The following PTPRO variants were observed in gnomAD, a reference collection of about 807,000 sequenced individuals.
PTPRO encodes the protein receptor-type tyrosine-protein phosphatase O.
PTPRO carries 62 observed loss-of-function variants against 145.2 expected under a neutral mutation model. The ratio of observed to expected loss-of-function variants is 0.43; its 90% CI spans 0.35 to 0.53. The LOEUF is 0.53. Among genes scored for constraint, PTPRO ranks in the 20% least tolerant of loss-of-function variants. The pLI is 0.01. For synonymous variants in PTPRO, 565 were observed against 514.7 expected, an observed-to-expected ratio of 1.10 and a Z score of -1.32; for missense variants, 1,345 against 1,482.7, an observed-to-expected ratio of 0.91 and a Z score of 1.53.
chr12:15,432,026 G>T (rs140669727), intron 1 of PTPRO, among the ~76,000 whole-genome samples: 1 of 152,214 alleles, frequency 6.6e-6, no homozygotes, highest in Admixed American at 6.5e-5. Flanking sequence ...AAGTTTAGGG[G>T]TATGTGTGCA....
intron 1 of PTPRO, among the ~76,000 whole-genome samples, chr12:15,441,572 T>C (rs1002819848): frequency 6.6e-6 from 1 of 152,074 alleles, no homozygotes; most frequent in African/African-American, 2.4e-5. Flanking sequence ...AACTAAAAGT[T>C]GGTTCTTTGA....
intron 1 of PTPRO, among the ~76,000 whole-genome samples, chr12:15,400,728 A>G (rs1461574247): frequency 1.3e-5 from 2 of 152,216 alleles, no homozygotes; most frequent in East Asian, 3.8e-4. Flanking sequence ...CCTATTTTAC[A>G]CTGGGTACTT....
chr12:15,366,362 G>A (rs1938360812), intron 1 of PTPRO, among the ~76,000 whole-genome samples: 1 of 152,020 alleles, frequency 6.6e-6, no homozygotes, highest in Admixed American at 6.6e-5. Flanking sequence ...GAGTGAGGGG[G>A]GGAAAATTGT....
chr12:15,443,432 G>A (rs925955643), intron 1 of PTPRO, among the ~76,000 whole-genome samples: 8 of 151,988 alleles, frequency 5.3e-5, no homozygotes, highest in African/African-American at 1.9e-4. Flanking sequence ...TCTGGACATC[G>A]GCCTGGGGAA....
At chr12:15,369,607 C>T (rs1324429999) in intron 1 of PTPRO, among the ~76,000 whole-genome samples, 1 of 152,158 alleles carries the variant, frequency 6.6e-6, no homozygotes, top group Non-Finnish European at 1.5e-5. Context: ...ATTGCATTAA[C>T]TCATGTCTCT....
intron 1 of PTPRO, among the ~76,000 whole-genome samples, chr12:15,403,250 G>C (rs1368056393): frequency 2.0e-5 from 3 of 151,968 alleles, no homozygotes; most frequent in Admixed American, 1.3e-4. Flanking sequence ...TTTTCTACTG[G>C]TGTGTCTTCT....
intron 1 of PTPRO, among the ~76,000 whole-genome samples, chr12:15,335,347 C>T (rs1866728926): frequency 6.6e-6 from 1 of 151,816 alleles, no homozygotes; most frequent in African/African-American, 2.4e-5. Flanking sequence ...TATTATTAAA[C>T]ATTGAGTCAT....
intron 1 of PTPRO, among the ~76,000 whole-genome samples, chr12:15,436,890 T>C (rs1194624129): frequency 6.6e-6 from 1 of 152,018 alleles, no homozygotes; most frequent in South Asian, 2.1e-4. Context: ...GCTGCTACAG[T>C]TGCGGTTTCT....
At chr12:15,528,848 G>A (rs573766728) in intron 12 of PTPRO, among the ~76,000 whole-genome samples, 2 of 152,014 alleles carry the variant, frequency 1.3e-5, no homozygotes, top group Admixed American at 6.6e-5. Flanking sequence ...CAGGCCATGA[G>A]GAAGAACATT....
In PTPRO at chr12:15,421,492, A is replaced by AGT. The variant is rs548786924; in HGVS notation, c.76-62480_76-62479dup. On this transcript the variant is annotated intron_variant, in intron 1 of 26. Coordinates refer to ENST00000281171, the MANE Select transcript of PTPRO (RefSeq NM_030667.3). ...ACCTTAGAATAGGCATAGTACAACT[A>AGT]GTGCCTGAATAAGCAGTAAGTACCA... 1.4e-4 allele frequency among the ~76,000 whole-genome samples: 21 copies of AGT among 152,336 alleles called. No individual in the cohort carries two copies. In the South Asian group the frequency reaches 3.9e-3, roughly 29 times the overall value.
chr12:15,401,254 C>T (rs1327958644), intron 1 of PTPRO, among the ~76,000 whole-genome samples: 2 of 152,212 alleles, frequency 1.3e-5, no homozygotes, highest in African/African-American at 4.8e-5. Flanking sequence ...CCAGCTTAGA[C>T]ATGTGCAAGA....
intron 1 of PTPRO, among the ~76,000 whole-genome samples, chr12:15,483,052 C>T (rs902738159): frequency 6.6e-6 from 1 of 152,074 alleles, no homozygotes; most frequent in Non-Finnish European, 1.5e-5. Context: ...AGATTCTTAA[C>T]AAGTTTCAGC....
rs1475382257 is a variant in PTPRO at position 15,471,849 on chromosome 12, A to T, written c.76-12125A>T. The stretch of plus-strand genomic sequence containing the variant: ...ATCAACAGCCAAAATCTGCTCTGAC[A>T]ATTTCTGAGAGTTGTGAATAATTCT... On this transcript the variant is annotated intron_variant, in intron 1 of 26. Transcript: ENST00000281171. Among the ~76,000 whole-genome samples the T allele has an allele frequency of 2.0e-5, 3 of 152,312 alleles. No individual in the cohort carries two copies. The East Asian group carries it at 5.8e-4, about 29-fold the overall frequency.
chr12:15,446,458 T>C (rs1446404585), intron 1 of PTPRO, among the ~76,000 whole-genome samples: 1 of 152,110 alleles, frequency 6.6e-6, no homozygotes. Context: ...ACTCATTCCG[T>C]TCTTCCTTAT....
In PTPRO at chr12:15,484,117, A is replaced by G. The variant is rs559219444; in HGVS notation, c.219A>G (p.Glu73=). ...AAAATTATTTCTTCGAATTTGAGGA[A>G]TTCAACAGCACTTTGCCTCCTCCTG... ...ESKNYFFEFE[E]FNSTLPPPVI... The change falls in exon 2 of 27, where the codon GAA becomes GAG. Residue 73 remains glutamate (E), a synonymous_variant. Transcript: ENST00000281171. 2.5e-6 allele frequency: 4 copies of G among 1,613,888 alleles called. No homozygotes were observed.
intron 1 of PTPRO, among the ~76,000 whole-genome samples, chr12:15,323,089 T>C (rs1866348385): frequency 6.6e-6 from 1 of 152,262 alleles, no homozygotes; most frequent in Non-Finnish European, 1.5e-5. Flanking sequence ...GTGGGCTTGT[T>C]GGATCGTGCT....
chr12:15,472,137 G>C (rs1941556817), intron 1 of PTPRO, among the ~76,000 whole-genome samples: 1 of 152,150 alleles, frequency 6.6e-6, no homozygotes, highest in Non-Finnish European at 1.5e-5. Context: ...ATTTTAATAA[G>C]TCTGATCATT....
chr12:15,466,300 T>C (rs1261736304), intron 1 of PTPRO, among the ~76,000 whole-genome samples: 1 of 152,220 alleles, frequency 6.6e-6, no homozygotes, highest in Non-Finnish European at 1.5e-5. Flanking sequence ...ACTATTTTAA[T>C]AGCGCAAGAA....
Position 15,440,634 on chromosome 12 carries a change from G to A in PTPRO, c.76-43340G>A, listed in dbSNP as rs947693712. Among the ~76,000 whole-genome samples the A allele has an allele frequency of 2.6e-5, 4 of 152,242 alleles. No individual in the cohort carries two copies. The South Asian group carries it at 6.2e-4, about 24-fold the overall frequency. The stretch of plus-strand genomic sequence containing the variant: ...CCAGCACTTTGGGAGGCCAAGGCAG[G>A]CAGATCACTTGAGCCCAAGATTTCA... On this transcript the variant is annotated intron_variant, in intron 1 of 26. Coordinates refer to ENST00000281171, the MANE Select transcript of PTPRO (RefSeq NM_030667.3).
Sources: allele counts gnomAD v4.1 joint callset (sites outside exome capture counted in the v4.1 genomes callset), GRCh38; gene constraint gnomAD v4.1.1; transcripts MANE v1.5; gene names NCBI Gene and HGNC (gene_info 2026-07-23, HGNC 2026-07-21).